Variants in PGAP1 observed in about 807,000 individuals in gnomAD.
PGAP1 encodes the protein GPI inositol-deacylase.
PGAP1 carries 76 observed loss-of-function variants against 127.0 expected under a neutral mutation model. The observed-to-expected ratio is 0.60, with a 90% CI of 0.50 to 0.72. The LOEUF is 0.72. Ranked by LOEUF, PGAP1 falls within the 30% of genes least tolerant of loss-of-function variation. The probability of loss-of-function intolerance (pLI) is 0.00; values close to 1 mark genes in which losing one functional copy is unlikely to be tolerated. For synonymous variants in PGAP1, 362 were observed against 366.5 expected (o/e 0.99, Z 0.14); for missense variants, 982 against 1,071.3 (o/e 0.92, Z 1.16).
chr2:196,873,490 ATAT>A (rs1412157867), intron 16 of PGAP1, 35 bp downstream of exon 16: 6 of 1,493,078 alleles, frequency 4.0e-6, no homozygotes, highest in Non-Finnish European at 5.5e-6. Context: ...TCAAATGACA[ATAT>A]TATTTTCTAT....
chr2:196,851,224 G>A (rs1559332814), intron 20 of PGAP1, among the ~76,000 whole-genome samples: 1 of 151,760 alleles, frequency 6.6e-6, no homozygotes, highest in Non-Finnish European at 1.5e-5. Context: ...GTGAAGGGAG[G>A]GTTCTCATGC....
chr2:196,891,026 G>T (rs1482542634), intron 9 of PGAP1, 115 bp from the exon 10 acceptor site: 9 of 592,380 alleles, frequency 1.5e-5, no homozygotes, highest in Non-Finnish European at 2.4e-5. Flanking sequence ...TCTTCTTGTT[G>T]TTGAGAACCA....
At chr2:196,926,392 G>A in intron 1 of PGAP1, 78 bp downstream of exon 1, 2 of 1,598,970 alleles carry the variant, frequency 1.3e-6, no homozygotes, top group Non-Finnish European at 1.7e-6. Flanking sequence ...AGCCAAGGCA[G>A]GACGAACCCA....
intron 2 of PGAP1, among the ~76,000 whole-genome samples, chr2:196,917,565 G>A (rs1254145040): frequency 6.6e-6 from 1 of 152,074 alleles, no homozygotes; most frequent in African/African-American, 2.4e-5. Flanking sequence ...TGTCTCTACG[G>A]GTTTGCCTAT....
chr2:196,885,534 A>T (rs1205982755), intron 11 of PGAP1, 59 bp from the exon 12 acceptor site: 1 of 1,236,406 alleles, frequency 8.1e-7, no homozygotes, highest in East Asian at 2.4e-5. Context: ...ATTACAAATT[A>T]TAAATAAGAT....
At chr2:196,911,497 C>A (rs1364871033) in intron 4 of PGAP1, among the ~76,000 whole-genome samples, 2 of 94,598 alleles carry the variant, frequency 2.1e-5, no homozygotes, top group African/African-American at 4.2e-5. Context: ...GGGAGATATA[C>A]CTAATGCTAG....
rs1307993914 is a variant in PGAP1 at position 196,915,641 on chromosome 2, G to A, written c.477+777C>T. ...GCAAATTTACTGCCTCAACCTTTAA[G>A]ATTTACACTGATCTGACAATTTCTC... On this transcript the variant is annotated intron_variant, in intron 3 of 26. Coordinates refer to ENST00000354764, the MANE Select transcript of PGAP1 (RefSeq NM_024989.4). Among the ~76,000 whole-genome samples, 3 of 152,042 alleles carry A rather than the reference G, an allele frequency of 2.0e-5. No individual in the cohort carries two copies. In the South Asian group the frequency reaches 6.2e-4, roughly 32 times the overall value.
intron 7 of PGAP1, among the ~76,000 whole-genome samples, chr2:196,896,828 TAAAAAAA>T (rs566717804): frequency 1.1e-5 from 1 of 90,620 alleles, no homozygotes; most frequent in Non-Finnish European, 2.1e-5. Context: ...GACTCCATCT[TAAAAAAA>T]AAAAAAAAAA....
chr2:196,885,811 G>A, intron 11 of PGAP1, 23 bp downstream of exon 11: 1 of 1,382,280 alleles, frequency 7.2e-7, no homozygotes, highest in Non-Finnish European at 9.5e-7. Context: ...TGAGATAAAT[G>A]AACATGCATT....
Position 196,912,950 on chromosome 2 carries a change from A to G in PGAP1, c.581T>C (p.Ile194Thr). 6.2e-7 allele frequency: 1 copy of G among 1,613,954 alleles called. No individual in the cohort carries two copies. Among genetic ancestry groups the G allele is most frequent in the Non-Finnish European group, 8.5e-7 (1 of 1,179,942 alleles). The change falls in exon 4 of 27, where the codon ATA becomes ACA. Residue 194 changes from isoleucine to threonine, a missense_variant. Transcript: ENST00000354764. ...TGTGGCTTGTGTAATAAGAAGATTT[A>G]TCAGATCATGCTTAAAATTTTTCAG... ...LTLKNFKHDL[I>T]NLLITQATPH... is the part of the protein sequence containing the mutation.
intron 22 of PGAP1, among the ~76,000 whole-genome samples, chr2:196,846,324 G>C (rs931236413): frequency 1.3e-5 from 2 of 152,078 alleles, no homozygotes; most frequent in African/African-American, 2.4e-5. Flanking sequence ...CTCCAGTCTT[G>C]ACAGGAGGAG....
At chr2:196,868,820 C>CA (rs1448368825) in intron 19 of PGAP1, among the ~76,000 whole-genome samples, 3 of 152,122 alleles carry the variant, frequency 2.0e-5, no homozygotes, top group Admixed American at 1.3e-4. Flanking sequence ...GTGACTCAAT[C>CA]AGCAACATTC....
intron 1 of PGAP1, among the ~76,000 whole-genome samples, chr2:196,923,665 TC>T (rs1176078042): frequency 6.6e-6 from 1 of 151,756 alleles, no homozygotes; most frequent in Non-Finnish European, 1.5e-5. Flanking sequence ...TTTTTTTCTT[TC>T]TTTTTTTTTT....
In PGAP1 at chr2:196,836,317, G is replaced by A. The variant is rs1700235205; in HGVS notation, c.*4917C>T. 6.6e-6 allele frequency: 1 copy of A among 152,532 alleles called. No individual in the cohort carries two copies. Among genetic ancestry groups the A allele is most frequent in the Admixed American group, 6.5e-5 (1 of 15,274 alleles). The allele number at this position is 152,532 out of a possible 1,614,324, so 9.4% of individuals were successfully genotyped here. ...TTATCAACCGTAGACAATTAAGACA[G>A]CTTAGAATATCACCTTTTGAAGGAC... On this transcript the variant is annotated 3_prime_UTR_variant, in exon 27 of 27. Transcript: ENST00000354764.
chr2:196,865,881 A>G (rs1292825393), intron 19 of PGAP1, among the ~76,000 whole-genome samples: 1 of 152,204 alleles, frequency 6.6e-6, no homozygotes, highest in African/African-American at 2.4e-5. Flanking sequence ...CAATTGCTAC[A>G]AAGAGAATAA....
chr2:196,878,900 C>T (rs1701643092), intron 13 of PGAP1, among the ~76,000 whole-genome samples: 1 of 152,190 alleles, frequency 6.6e-6, no homozygotes, highest in African/African-American at 2.4e-5. Context: ...CACTATTGAG[C>T]ATCTGGAATG....
rs904420699 is a variant in PGAP1 at position 196,836,599 on chromosome 2, C to A, written c.*4635G>T. ...GAATGGTAGTAGCTTCACAGCTTTC[C>A]TATTTCCTCAGGCTATTAAACATAT... On this transcript the variant is annotated 3_prime_UTR_variant, in exon 27 of 27. Coordinates refer to ENST00000354764, the MANE Select transcript of PGAP1 (RefSeq NM_024989.4). 1 of 152,030 alleles carries A rather than the reference C, an allele frequency of 6.6e-6. No homozygotes were observed. Among genetic ancestry groups the A allele is most frequent in the Non-Finnish European group, 1.5e-5 (1 of 67,964 alleles). 9.4% of individuals were successfully genotyped at this position (152,030 alleles called of 1,614,324 possible).
At chr2:196,912,854 A>C in intron 4 of PGAP1, 28 bp downstream of exon 4, 12 of 1,529,094 alleles carry the variant, frequency 7.8e-6, no homozygotes, top group Non-Finnish European at 1.1e-5. Flanking sequence ...AACAATGGGG[A>C]GGTTAATGTT....
At chr2:196,891,103 TCCCCAG>T in intron 9 of PGAP1, among the ~76,000 whole-genome samples, 192 bp from the exon 10 acceptor site, 1 of 152,180 alleles carries the variant, frequency 6.6e-6, no homozygotes, top group Non-Finnish European at 1.5e-5. Context: ...AACTCTGTAG[TCCCCAG>T]TTTGTCCTGG....
Sources: allele counts gnomAD v4.1 joint callset (sites outside exome capture counted in the v4.1 genomes callset), GRCh38; gene constraint gnomAD v4.1.1; transcripts MANE v1.5; gene names NCBI Gene and HGNC (gene_info 2026-07-23, HGNC 2026-07-21).